The following AUTS2 variants were observed in gnomAD, a reference collection of about 807,000 sequenced individuals.
The protein encoded by AUTS2 is activator of transcription and developmental regulator AUTS2.
In AUTS2, 17 loss-of-function variants were observed where a neutral mutation model predicts 112.4. The ratio of observed to expected loss-of-function variants is 0.15; its 90% CI spans 0.10 to 0.23. AUTS2 has a LOEUF of 0.23. Ranked by LOEUF, AUTS2 falls within the 10% of genes least tolerant of loss-of-function variation. The pLI, the probability that AUTS2 is intolerant of heterozygous loss-of-function variation, is 1.00. For missense variants in AUTS2, 1,510 were observed against 1,701.6 expected (o/e 0.89, Z 1.98); for synonymous variants, 751 against 702.7 (o/e 1.07, Z -1.09).
intron 2 of AUTS2, among the ~76,000 whole-genome samples, chr7:70,062,725 T>G (rs1802311178): frequency 6.6e-6 from 1 of 152,208 alleles, no homozygotes; most frequent in Non-Finnish European, 1.5e-5. Context: ...TTGTTAACAT[T>G]TAATAAAATT....
intron 5 of AUTS2, among the ~76,000 whole-genome samples, chr7:70,569,825 C>T (rs111492227): frequency 1.2e-4 from 19 of 152,250 alleles, no homozygotes; most frequent in African/African-American, 3.8e-4. Context: ...AAGGCAAAAA[C>T]GTAAACCCCT....
intron 2 of AUTS2, among the ~76,000 whole-genome samples, chr7:69,913,650 T>A (rs1795449438): frequency 6.6e-6 from 1 of 152,214 alleles, no homozygotes; most frequent in South Asian, 2.1e-4. Context: ...CTTTCCAGTC[T>A]TTTCTCCATA....
intron 1 of AUTS2, among the ~76,000 whole-genome samples, chr7:69,630,385 G>A (rs1469281204): frequency 1.3e-5 from 2 of 152,188 alleles, no homozygotes; most frequent in Non-Finnish European, 2.9e-5. Context: ...AACTTGTCAG[G>A]AAGACTTAGT....
At chr7:69,756,831 G>A (rs564469055) in intron 1 of AUTS2, among the ~76,000 whole-genome samples, 19 of 152,214 alleles carry the variant, frequency 1.2e-4, no homozygotes, top group South Asian at 4.1e-4. Context: ...GCGTTGGTGC[G>A]TGGAACATTG....
chr7:70,262,921 C>A, intron 4 of AUTS2, among the ~76,000 whole-genome samples: 1 of 152,200 alleles, frequency 6.6e-6, no homozygotes, highest in South Asian at 2.1e-4. Context: ...ACATGAAATA[C>A]AGTCATAGGC....
At chr7:70,439,015 G>C (rs1796012587) in intron 5 of AUTS2, among the ~76,000 whole-genome samples, 1 of 152,178 alleles carries the variant, frequency 6.6e-6, no homozygotes, top group South Asian at 2.1e-4. Flanking sequence ...GATAAACTCT[G>C]CTTTCCTCTG....
chr7:69,950,012 T>A (rs973593495), intron 2 of AUTS2, among the ~76,000 whole-genome samples: 1 of 152,202 alleles, frequency 6.6e-6, no homozygotes, highest in Non-Finnish European at 1.5e-5. Flanking sequence ...ATGGAGACCC[T>A]CAGTGTTTTA....
intron 1 of AUTS2, among the ~76,000 whole-genome samples, chr7:69,751,740 T>C (rs931029984): frequency 2.0e-5 from 3 of 152,252 alleles, no homozygotes; most frequent in African/African-American, 7.2e-5. Context: ...TATAGTAGTA[T>C]AGTGTTTAGG....
At chr7:69,636,300 G>A (rs1196205901) in intron 1 of AUTS2, among the ~76,000 whole-genome samples, 1 of 152,084 alleles carries the variant, frequency 6.6e-6, no homozygotes, top group Non-Finnish European at 1.5e-5. Context: ...GAGCAATCTC[G>A]GCTTACTGCC....
At position 70,688,594 on chromosome 7, in the gene AUTS2, A is replaced by G. The variant is rs190198287; in HGVS notation, c.691-9975A>G. Among the ~76,000 whole-genome samples, 237 of 152,158 alleles carry G rather than the reference A, an allele frequency of 1.6e-3. 1 individual carries two copies. Among genetic ancestry groups the G allele is most frequent in the African/African-American group, 5.6e-3 (231 of 41,542 alleles). On this transcript the variant is annotated intron_variant, in intron 5 of 18. Coordinates refer to ENST00000342771, the MANE Select transcript of AUTS2 (RefSeq NM_015570.4). ...TCTAATCCCAGCACTTTGGAAGGCC[A>G]AGGTGGGAGGATCGCTTGAGGCCAG...
At chr7:70,102,068 A>G (rs1397746414) in intron 2 of AUTS2, among the ~76,000 whole-genome samples, 1 of 152,044 alleles carries the variant, frequency 6.6e-6, no homozygotes, top group Non-Finnish European at 1.5e-5. Flanking sequence ...TTCATTGTCC[A>G]ATAGCAAAGA....
In AUTS2 at chr7:70,779,597, C is replaced by T. The variant is rs964200561; in HGVS notation, c.2005-2018C>T. On this transcript the variant is annotated intron_variant, in intron 14 of 18. Transcript: ENST00000342771. ...GACTTCCCTGTCTCAGATCCTCACGCCATGCTCTGTCAATATAGATGCCCC... is the reference window on the plus strand; with the variant it reads ...GACTTCCCTGTCTCAGATCCTCACGTCATGCTCTGTCAATATAGATGCCCC... 2.0e-5 allele frequency among the ~76,000 whole-genome samples: 3 copies of T among 152,192 alleles called. No homozygotes were observed. In the East Asian group the frequency reaches 5.8e-4, roughly 29 times the overall value.
At chr7:70,429,500 G>T (rs1402102174) in intron 4 of AUTS2, among the ~76,000 whole-genome samples, 1 of 152,248 alleles carries the variant, frequency 6.6e-6, no homozygotes, top group Non-Finnish European at 1.5e-5. Flanking sequence ...AGAGGGAATT[G>T]TTAAGTGCAG....
intron 2 of AUTS2, among the ~76,000 whole-genome samples, chr7:70,043,010 C>T (rs1801312115): frequency 1.4e-5 from 2 of 144,368 alleles, no homozygotes; most frequent in African/African-American, 5.3e-5. Context: ...CAGAAGGGCA[C>T]ACTCACTAAA....
intron 4 of AUTS2, among the ~76,000 whole-genome samples, chr7:70,141,094 TTAGA>T (rs1413538993): frequency 1.3e-5 from 2 of 152,142 alleles, no homozygotes; most frequent in Non-Finnish European, 2.9e-5. Context: ...TGATGGATGT[TTAGA>T]TAGTCAACAG....
intron 4 of AUTS2, among the ~76,000 whole-genome samples, chr7:70,172,636 G>A (rs1481571088): frequency 3.3e-5 from 5 of 151,916 alleles, no homozygotes; most frequent in Admixed American, 6.6e-5. Flanking sequence ...TATATCTAAT[G>A]CCTTCTTTCC....
Position 70,767,249 on chromosome 7 carries a change from C to A in AUTS2, c.1690-775C>A, listed in dbSNP as rs1320308593. 3.3e-5 allele frequency among the ~76,000 whole-genome samples: 5 copies of A among 152,254 alleles called. No individual in the cohort carries two copies. The East Asian group carries it at 9.7e-4, about 29-fold the overall frequency. On this transcript the variant is annotated intron_variant, in intron 9 of 18. Coordinates refer to ENST00000342771, the MANE Select transcript of AUTS2 (RefSeq NM_015570.4). Reference sequence around the variant, plus strand: ...TTTGCTTCCTCTCCTTCCTCTCCCTCCCCCCATCTTGTTTAACTTACTTTT... The same window carrying A: ...TTTGCTTCCTCTCCTTCCTCTCCCTACCCCCATCTTGTTTAACTTACTTTT...
At chr7:70,161,886 C>CAA (rs1808094661) in intron 4 of AUTS2, among the ~76,000 whole-genome samples, 1 of 151,950 alleles carries the variant, frequency 6.6e-6, no homozygotes, top group African/African-American at 2.4e-5. Context: ...TATTTCCTGT[C>CAA]AAAGAAAAAT....
chr7:70,238,100 C>G (rs936788399), intron 4 of AUTS2, among the ~76,000 whole-genome samples: 8 of 152,098 alleles, frequency 5.3e-5, no homozygotes, highest in African/African-American at 1.9e-4. Flanking sequence ...GAGCACAAGC[C>G]CCATCTGGTA....
Sources: allele counts gnomAD v4.1 joint callset (sites outside exome capture counted in the v4.1 genomes callset), GRCh38; gene constraint gnomAD v4.1.1; transcripts MANE v1.5; gene names NCBI Gene and HGNC (gene_info 2026-07-23, HGNC 2026-07-21).